RGS17: variants seen among roughly 807,000 people sequenced by gnomAD.
RGS17 encodes the protein regulator of G protein signaling 17.
Under a neutral mutation model 25.5 loss-of-function variants are expected in RGS17, and 12 were observed. The observed-to-expected ratio is 0.47, with a 90% CI of 0.30 to 0.76. The LOEUF is 0.76. RGS17 is among the 30% of genes least tolerant of loss of function. The pLI is 0.07. For synonymous variants in RGS17, 71 were observed against 76.9 expected (o/e 0.92, Z 0.40); for missense variants, 196 against 242.2 (o/e 0.81, Z 1.27).
chr6:153,089,308 T>C (rs182978752), intron 1 of RGS17, among the ~76,000 whole-genome samples: 12 of 152,104 alleles, frequency 7.9e-5, no homozygotes, highest in African/African-American at 2.2e-4. Flanking sequence ...TTTTTGCCAA[T>C]AGAATCCAAT....
intron 1 of RGS17, among the ~76,000 whole-genome samples, chr6:153,128,712 A>G (rs1777742259): frequency 6.6e-6 from 1 of 152,128 alleles, no homozygotes; most frequent in African/African-American, 2.4e-5. Flanking sequence ...TATTATTATT[A>G]TTATTTATTA....
chr6:153,101,601 G>A (rs1777303943), intron 1 of RGS17, among the ~76,000 whole-genome samples: 1 of 152,172 alleles, frequency 6.6e-6, no homozygotes. Flanking sequence ...CATATGTTAT[G>A]TGGTGATATG....
intron 1 of RGS17, among the ~76,000 whole-genome samples, chr6:153,063,098 G>A (rs903194594): frequency 1.3e-5 from 2 of 152,138 alleles, no homozygotes; most frequent in African/African-American, 2.4e-5. Flanking sequence ...GAGAAGGATG[G>A]GTACAAAGGA....
chr6:153,035,124 A>G (rs1213512549), intron 2 of RGS17, among the ~76,000 whole-genome samples: 1 of 149,552 alleles, frequency 6.7e-6, no homozygotes, highest in Non-Finnish European at 1.5e-5. Context: ...ACTGCACTGC[A>G]GCCTGGGTGA....
rs907164211 is a variant in RGS17, at chr6:153,024,373, T to C, written c.333A>G (p.Leu111=). 1.9e-6 allele frequency: 3 copies of C among 1,614,170 alleles called. No individual in the cohort carries two copies. Among genetic ancestry groups the C allele is most frequent in the Admixed American group, 1.7e-5 (1 of 60,028 alleles). ...FLRTEYSEEN[L]LFWLACEDLK... ...AGTCTTCACAAGCAAGCCAGAAAAG[T>C]AGGTTCTCTTCACTGTATTCTGTTC... The change falls in exon 4 of 5, where the codon CTA becomes CTG. Residue 111 remains leucine (L), a synonymous_variant. Coordinates refer to ENST00000206262, the MANE Select transcript of RGS17 (RefSeq NM_012419.5).
intron 1 of RGS17, among the ~76,000 whole-genome samples, chr6:153,072,399 C>T (rs1483443557): frequency 6.6e-6 from 1 of 152,146 alleles, no homozygotes; most frequent in Non-Finnish European, 1.5e-5. Context: ...AAATGGGATG[C>T]ACGTAGCTCT....
At chr6:153,031,402 C>A (rs1474174398) in intron 2 of RGS17, among the ~76,000 whole-genome samples, 3 of 152,212 alleles carry the variant, frequency 2.0e-5, no homozygotes, top group Admixed American at 6.5e-5. Context: ...TTTATTTCCA[C>A]CTGAGTAAAT....
chr6:153,006,225 A>T lies in RGS17; in HGVS notation c.*5349T>A, dbSNP rs1051342808. On this transcript the variant is annotated 3_prime_UTR_variant, in exon 5 of 5. Transcript: ENST00000206262. The stretch of plus-strand genomic sequence containing the variant: ...AAAATCATACCACCTTAATATTAAA[A>T]AGAGTGTTTTCTAATTGTCAATCTC... 1 of 152,190 alleles carries T rather than the reference A, an allele frequency of 6.6e-6. No individual in the cohort carries two copies. Among genetic ancestry groups the T allele is most frequent in the African/African-American group, 2.4e-5 (1 of 41,430 alleles). 9.4% of individuals were successfully genotyped at this position (152,190 alleles called of 1,614,324 possible). A position where few individuals can be genotyped will look rare whatever the true frequency, so the allele number is the denominator to read the frequency against.
chr6:153,060,274 C>T (rs576670338), intron 1 of RGS17, among the ~76,000 whole-genome samples: 1 of 152,338 alleles, frequency 6.6e-6, no homozygotes, highest in South Asian at 2.1e-4. Context: ...AGTGTTCACA[C>T]ATAGTACTGT....
chr6:153,035,994 T>C (rs1236631341), intron 2 of RGS17, among the ~76,000 whole-genome samples: 1 of 152,192 alleles, frequency 6.6e-6, no homozygotes, highest in African/African-American at 2.4e-5. Flanking sequence ...CTCTGGTGTA[T>C]CTGCAACCTC....
intron 1 of RGS17, among the ~76,000 whole-genome samples, chr6:153,080,732 G>T (rs1206817746): frequency 6.6e-6 from 1 of 151,876 alleles, no homozygotes; most frequent in African/African-American, 2.4e-5. Flanking sequence ...AGCATTGAAT[G>T]CTGTAAAAAG....
At chr6:153,020,754 T>C (rs950328989) in intron 4 of RGS17, among the ~76,000 whole-genome samples, 1 of 152,164 alleles carries the variant, frequency 6.6e-6, no homozygotes, top group Non-Finnish European at 1.5e-5. Context: ...AATGTTCATG[T>C]TCTTTAAAAA....
intron 1 of RGS17, among the ~76,000 whole-genome samples, chr6:153,123,741 G>T (rs1160068010): frequency 6.6e-6 from 1 of 152,146 alleles, no homozygotes; most frequent in Non-Finnish European, 1.5e-5. Flanking sequence ...CTAGTGCATG[G>T]GAAATGTGGA....
chr6:153,054,100 ATATATATATATATGTG>A (rs1295225145), intron 1 of RGS17, among the ~76,000 whole-genome samples: 4 of 95,356 alleles, frequency 4.2e-5, no homozygotes, highest in South Asian at 3.5e-4. Context: ...TTTTATATAT[ATATATATATATATGTG>A]TATATATATA....
At chr6:153,054,092 TTATATATATATATATATATATGTG>T (rs1214012268) in intron 1 of RGS17, among the ~76,000 whole-genome samples, 1 of 42,102 alleles carries the variant, frequency 2.4e-5, no homozygotes, top group African/African-American at 1.2e-4. Context: ...ACAATATTTT[TTATATATATATATATATATATGTG>T]TATATATATA....
At chr6:153,098,744 G>A (rs1269348702) in intron 1 of RGS17, among the ~76,000 whole-genome samples, 1 of 152,156 alleles carries the variant, frequency 6.6e-6, no homozygotes, top group Non-Finnish European at 1.5e-5. Flanking sequence ...GTGTGGGGTT[G>A]TCTGCCACAT....
At chr6:153,101,936 G>C (rs115333894) in intron 1 of RGS17, among the ~76,000 whole-genome samples, 2,040 of 152,224 alleles carry the variant, frequency 0.013, 53 homozygotes, top group African/African-American at 0.045. Flanking sequence ...ACATTTCCTT[G>C]ATAAATTACC....
chr6:153,115,787 A>T (rs980061969), intron 1 of RGS17, among the ~76,000 whole-genome samples: 11 of 152,188 alleles, frequency 7.2e-5, no homozygotes, highest in Admixed American at 5.2e-4. Context: ...CAATCATCTG[A>T]TCTTTGACAA....
chr6:153,043,152 C>G (rs1429681568), intron 2 of RGS17, among the ~76,000 whole-genome samples: 1 of 152,134 alleles, frequency 6.6e-6, no homozygotes, highest in Non-Finnish European at 1.5e-5. Context: ...TAGATGGCAC[C>G]TTGGGAATTA....
Sources: gnomAD v4.1 joint callset for allele counts (sites outside exome capture counted in the v4.1 genomes callset) on GRCh38, gnomAD v4.1.1 for gene constraint, MANE v1.5 for transcripts, NCBI Gene and HGNC (gene_info 2026-07-23, HGNC 2026-07-21) for gene names.